MLLT11: variants seen among roughly 807,000 people sequenced by gnomAD.
The protein encoded by MLLT11 is protein AF1q.
Under a neutral mutation model 5.3 loss-of-function variants are expected in MLLT11, and 1 was observed. The observed-to-expected ratio is 0.19, with a 90% confidence interval of 0.07 to 0.89. MLLT11 has a LOEUF of 0.89. MLLT11 is among the 40% of genes least tolerant of loss of function. The pLI, the probability that MLLT11 is intolerant of heterozygous loss-of-function variation, is 0.67. For synonymous variants in MLLT11, 38 were observed against 41.7 expected (o/e 0.91, Z 0.34); for missense variants, 87 against 107.3 (o/e 0.81, Z 0.83).
Position 151,068,947 on chromosome 1 carries a change from C to G in MLLT11, c.*1450C>G, listed in dbSNP as rs1027177413. 1.3e-5 allele frequency among the ~76,000 whole-genome samples: 2 copies of G among 152,138 alleles called. No individual in the cohort carries two copies. Among genetic ancestry groups the G allele is most frequent in the African/African-American group, 4.8e-5 (2 of 41,430 alleles). On this transcript the variant is annotated 3_prime_UTR_variant, in exon 2 of 2. Coordinates refer to ENST00000368921, the MANE Select transcript of MLLT11 (RefSeq NM_006818.4). The stretch of plus-strand genomic sequence containing the variant: ...AAGAATGATTTGAGTAGCATTTAGA[C>G]ATTAGATGGTGAACTTCGCATTGAA...
At chr1:151,065,324 T>C (rs1676461028) in intron 1 of MLLT11, among the ~76,000 whole-genome samples, 1 of 152,232 alleles carries the variant, frequency 6.6e-6, no homozygotes, top group Non-Finnish European at 1.5e-5. Context: ...TAACATTTGC[T>C]TTAGCTTTTT....
At position 151,067,254 on chromosome 1, in the gene MLLT11, T is replaced by G. The variant is rs772191332; in HGVS notation, c.30T>G (p.Ser10Arg). Residue 10 changes from serine to arginine, a missense_variant, in exon 2 of 2, where the codon AGT (serine) becomes AGG (arginine). By Grantham distance (110) the Ser-to-Arg change is moderately radical. Transcript: ENST00000368921. ...GGGACCCTGTGAGTAGCCAGTACAG[T>G]TCCTTTCTTTTCTGGAGGATGCCCA... MRDPVSSQY[S>R]SFLFWRMPIP... 2 of 1,614,014 alleles carry G rather than the reference T, an allele frequency of 1.2e-6. No individual in the cohort carries two copies. The highest frequency in any genetic ancestry group is 1.7e-6 in the Non-Finnish European group (2 of 1,180,022).
At position 151,067,335 on chromosome 1, in the gene MLLT11, C is replaced by T; in HGVS notation, c.111C>T (p.Thr37=). 1.2e-6 allele frequency: 2 copies of T among 1,614,132 alleles called. No homozygotes were observed. Among genetic ancestry groups the T allele is most frequent in the Non-Finnish European group, 1.7e-6 (2 of 1,180,038 alleles). The change falls in exon 2 of 2, where the codon ACC becomes ACT. Residue 37 remains threonine, a synonymous_variant. Transcript: ENST00000368921. The stretch of plus-strand genomic sequence containing the variant: ...GCCTGGGTCTGTCAGATACAGCCAC[C>T]TACAAGGTCAAAGACAGCAGCGTTG... ...LEGLGLSDTA[T]YKVKDSSVGK... is the part of the protein sequence containing the mutation.
At chr1:151,062,885 T>C (rs2102979834) in intron 1 of MLLT11, among the ~76,000 whole-genome samples, 1 of 152,298 alleles carries the variant, frequency 6.6e-6, no homozygotes, top group Non-Finnish European at 1.5e-5. Flanking sequence ...GGTTGGTTAA[T>C]GGATACAACC....
At chr1:151,065,602 T>TA (rs113398725) in intron 1 of MLLT11, among the ~76,000 whole-genome samples, 3,743 of 152,074 alleles carry the variant, frequency 0.025, 145 homozygotes, top group African/African-American at 0.085. Context: ...CTGGAGGAAA[T>TA]AGAGTAGATG....
At chr1:151,067,173 AAAG>A in intron 1 of MLLT11, 43 bp from the exon 2 acceptor site, 1 of 1,568,230 alleles carries the variant, frequency 6.4e-7, no homozygotes, top group Non-Finnish European at 8.7e-7. Flanking sequence ...CATGGGCCAC[AAAG>A]AAGTTGCTGT....
intron 1 of MLLT11, among the ~76,000 whole-genome samples, chr1:151,065,604 G>C (rs949226627): frequency 6.6e-6 from 1 of 151,970 alleles, no homozygotes; most frequent in Non-Finnish European, 1.5e-5. Flanking sequence ...GGAGGAAATA[G>C]AGTAGATGAA....
intron 1 of MLLT11, among the ~76,000 whole-genome samples, chr1:151,061,282 T>TACC (rs764410651): frequency 6.6e-6 from 1 of 152,118 alleles, no homozygotes; most frequent in East Asian, 1.9e-4. Flanking sequence ...TGCTCCCCTC[T>TACC]ACCACCACCA....
Position 151,067,603 on chromosome 1 carries a change from T to G in MLLT11, c.*106T>G. ...TAATCTTGTTCTCTCCCTACTGTGT[T>G]GGTGGTGCTGATGAATCTGCCAGAG... On this transcript the variant is annotated 3_prime_UTR_variant, in exon 2 of 2. Transcript: ENST00000368921. 1 of 1,255,676 alleles carries G rather than the reference T, an allele frequency of 8.0e-7. No homozygotes were observed. The highest frequency in any genetic ancestry group is 2.1e-5 in the Admixed American group (1 of 46,902). The allele number at this position is 1,255,676 out of a possible 1,614,324, so 77.8% of individuals were successfully genotyped here.
Position 151,067,238 on chromosome 1 carries a change from T to G in MLLT11, c.14T>G (p.Val5Gly), listed in dbSNP as rs1232970524. ...TTCTAGGAAGCTATGAGGGACCCTG[T>G]GAGTAGCCAGTACAGTTCCTTTCTT... is the stretch of plus-strand genomic sequence containing the variant. MRDP[V>G]SSQYSSFLFW... is the part of the protein sequence containing the mutation. Residue 5 changes from valine (V) to glycine (G), a missense_variant, in exon 2 of 2, where the codon GTG becomes GGG. Val to Gly is a moderately radical substitution (Grantham distance 109). Coordinates refer to ENST00000368921, the MANE Select transcript of MLLT11 (RefSeq NM_006818.4). 1 of 1,613,824 alleles carries G rather than the reference T, an allele frequency of 6.2e-7. No homozygotes were observed. Among genetic ancestry groups the G allele is most frequent in the South Asian group, 1.1e-5 (1 of 91,072 alleles).
intron 1 of MLLT11, among the ~76,000 whole-genome samples, chr1:151,066,359 A>C (rs1420313323): frequency 1.3e-5 from 2 of 151,970 alleles, no homozygotes; most frequent in Non-Finnish European, 2.9e-5. Flanking sequence ...GGCTGGTCTC[A>C]AACTCCTGGC....
intron 1 of MLLT11, among the ~76,000 whole-genome samples, chr1:151,066,469 G>A (rs587614003): frequency 5.3e-5 from 8 of 152,276 alleles, no homozygotes; most frequent in African/African-American, 1.9e-4. Flanking sequence ...GGTGGAGAAT[G>A]GAGAGAGTTA....
intron 1 of MLLT11, among the ~76,000 whole-genome samples, chr1:151,066,843 T>G (rs916036445): frequency 6.6e-6 from 1 of 151,566 alleles, no homozygotes; most frequent in Non-Finnish European, 1.5e-5. Flanking sequence ...GAGAATGGTG[T>G]GAGCCCAGGA....
In MLLT11 at chr1:151,069,441, T is replaced by C. The variant is rs1174961805; in HGVS notation, c.*1944T>C. ...GAAGGATAAGTAGTGCGTCCTTTTCTATTTTTACTGAGTTTTGAAGGGCCC... is the reference window on the plus strand; with the variant it reads ...GAAGGATAAGTAGTGCGTCCTTTTCCATTTTTACTGAGTTTTGAAGGGCCC... On this transcript the variant is annotated 3_prime_UTR_variant, in exon 2 of 2. Transcript: ENST00000368921. Among the ~76,000 whole-genome samples, 1 of 152,244 alleles carries C rather than the reference T, an allele frequency of 6.6e-6. No homozygotes were observed.
At chr1:151,066,983 C>T (rs967155882) in intron 1 of MLLT11, 2 of 390,810 alleles carry the variant, frequency 5.1e-6, no homozygotes, top group East Asian at 4.1e-5. Context: ...TGAAGCTTGT[C>T]CAAGGGAACT....
At chr1:151,061,007 C>G (rs1403397523) in intron 1 of MLLT11, among the ~76,000 whole-genome samples, 2 of 152,038 alleles carry the variant, frequency 1.3e-5, no homozygotes, top group African/African-American at 4.8e-5. Context: ...TGGGTGTAAT[C>G]CTGACCTTTC....
At chr1:151,066,065 C>T (rs1160117906) in intron 1 of MLLT11, among the ~76,000 whole-genome samples, 2 of 152,120 alleles carry the variant, frequency 1.3e-5, no homozygotes, top group Admixed American at 1.3e-4. Context: ...GTCTGGAACT[C>T]CTAGTCTCAA....
chr1:151,061,487 C>G (rs924102485), intron 1 of MLLT11, among the ~76,000 whole-genome samples: 1 of 152,128 alleles, frequency 6.6e-6, no homozygotes, highest in African/African-American at 2.4e-5. Flanking sequence ...TAGATATTGC[C>G]TTTGCCTAAA....
At position 151,064,743 on chromosome 1, in the gene MLLT11, G is replaced by T. The variant is rs587624085; in HGVS notation, c.-6-2476G>T. 2.0e-5 allele frequency among the ~76,000 whole-genome samples: 3 copies of T among 152,286 alleles called. No individual in the cohort carries two copies. The South Asian group carries it at 6.2e-4, about 32-fold the overall frequency. ...AGCAAGGCCCTGTTGAGTAGGCCTT[G>T]GATGCCCACAAAGGGTCTGGACAAA... is the stretch of plus-strand genomic sequence containing the variant. On this transcript the variant is annotated intron_variant, in intron 1 of 1. Transcript: ENST00000368921.
Sources: gnomAD v4.1 joint callset for allele counts (sites outside exome capture counted in the v4.1 genomes callset) on GRCh38, gnomAD v4.1.1 for gene constraint, MANE v1.5 for transcripts, NCBI Gene and HGNC (gene_info 2026-07-23, HGNC 2026-07-21) for gene names.